The following THSD7B variants were observed in gnomAD, a reference collection of about 807,000 sequenced individuals.
THSD7B encodes thrombospondin type-1 domain-containing protein 7B.
THSD7B carries 138 observed loss-of-function variants against 213.6 expected under a neutral mutation model. The ratio of observed to expected loss-of-function variants is 0.65; its 90% CI spans 0.56 to 0.74. The LOEUF is 0.74. THSD7B is among the 30% of genes least tolerant of loss of function. The pLI is 0.00. For missense variants in THSD7B, 1,931 were observed against 1,991.5 expected, an observed-to-expected ratio of 0.97 and a Z score of 0.58; for synonymous variants, 742 against 687.0, an observed-to-expected ratio of 1.08 and a Z score of -1.25.
At chr2:137,619,730 T>C (rs1228170490) in intron 19 of THSD7B, among the ~76,000 whole-genome samples, 5 of 152,198 alleles carry the variant, frequency 3.3e-5, no homozygotes, top group African/African-American at 1.2e-4. Flanking sequence ...ATATGCCCAA[T>C]AAATATGTAA....
At chr2:137,390,654 A>G (rs1175898617) in intron 12 of THSD7B, among the ~76,000 whole-genome samples, 2 of 152,130 alleles carry the variant, frequency 1.3e-5, no homozygotes, top group African/African-American at 4.8e-5. Flanking sequence ...ATTTAGTATG[A>G]TGTTAGCTCT....
intron 2 of THSD7B, among the ~76,000 whole-genome samples, chr2:136,920,625 A>C (rs1000096010): frequency 2.0e-5 from 3 of 152,144 alleles, no homozygotes; most frequent in Admixed American, 6.5e-5. Flanking sequence ...CTGGCCCCCA[A>C]ACCTCAAGCC....
At chr2:137,585,254 C>A (rs1681694439) in intron 17 of THSD7B, among the ~76,000 whole-genome samples, 1 of 151,914 alleles carries the variant, frequency 6.6e-6, no homozygotes, top group African/African-American at 2.4e-5. Flanking sequence ...GTCTTGCTAG[C>A]ACTCTATCAA....
At chr2:137,471,468 A>G (rs1051533444) in intron 15 of THSD7B, among the ~76,000 whole-genome samples, 1 of 152,040 alleles carries the variant, frequency 6.6e-6, no homozygotes, top group African/African-American at 2.4e-5. Context: ...ACGTGGTGCC[A>G]TAGGAAGAGC....
intron 12 of THSD7B, among the ~76,000 whole-genome samples, chr2:137,356,406 G>A (rs1208557507): frequency 6.6e-6 from 1 of 152,052 alleles, no homozygotes; most frequent in African/African-American, 2.4e-5. Flanking sequence ...GAGCCTAATT[G>A]ACAAAGTTGC....
intron 12 of THSD7B, among the ~76,000 whole-genome samples, chr2:137,341,915 C>T (rs1684770612): frequency 1.3e-5 from 2 of 151,366 alleles, no homozygotes; most frequent in African/African-American, 2.4e-5. Flanking sequence ...ATACCTCCAG[C>T]TGTTTTTTGT....
chr2:137,654,829 C>G lies in THSD7B; in HGVS notation c.3946-672C>G, dbSNP rs1683205275. On this transcript the variant is annotated intron_variant, in intron 21 of 27. Coordinates refer to ENST00000409968, the MANE Select transcript of THSD7B (RefSeq NM_001316349.2). ...CATTTTGGAGCTGAAGTCTTCTCTG[C>G]CAAAAATTTTATAGTAGGAAACCCT... Among the ~76,000 whole-genome samples, 3 of 152,220 alleles carry G rather than the reference C, an allele frequency of 2.0e-5. No homozygotes were observed. In the South Asian group the frequency reaches 6.2e-4, roughly 32 times the overall value.
chr2:137,004,246 C>A (rs1573761178), intron 2 of THSD7B, among the ~76,000 whole-genome samples: 1 of 150,644 alleles, frequency 6.6e-6, no homozygotes, highest in African/African-American at 2.4e-5. Flanking sequence ...GGGCTGCTGA[C>A]CTTTATCCAC....
At chr2:137,585,243 A>C (rs556462174) in intron 17 of THSD7B, among the ~76,000 whole-genome samples, 4 of 151,526 alleles carry the variant, frequency 2.6e-5, no homozygotes, top group Admixed American at 2.6e-4. Context: ...TTTCTTTATT[A>C]GTCTTGCTAG....
intron 10 of THSD7B, among the ~76,000 whole-genome samples, chr2:137,269,097 A>G (rs915129213): frequency 6.6e-6 from 1 of 152,188 alleles, no homozygotes; most frequent in Admixed American, 6.5e-5. Flanking sequence ...TAGTTCACAC[A>G]TCTCTGGTAT....
intron 19 of THSD7B, 28 bp from the exon 20 acceptor site, chr2:137,620,581 T>A (rs781614871): frequency 6.4e-7 from 1 of 1,554,606 alleles, no homozygotes; most frequent in African/African-American, 1.4e-5. Context: ...ATTTCTCCAA[T>A]AAAGTTGTGT....
intron 17 of THSD7B, among the ~76,000 whole-genome samples, chr2:137,602,894 T>A (rs1262399330): frequency 6.6e-6 from 1 of 152,102 alleles, no homozygotes; most frequent in East Asian, 1.9e-4. Context: ...CTGTGCCACA[T>A]GTCTGTATCT....
At chr2:137,392,525 T>C (rs1305217711) in intron 12 of THSD7B, among the ~76,000 whole-genome samples, 1 of 152,192 alleles carries the variant, frequency 6.6e-6, no homozygotes, top group East Asian at 1.9e-4. Context: ...TTTCATAAAC[T>C]GTTTTTTATT....
chr2:137,350,929 G>A lies in THSD7B; in HGVS notation c.2501-54684G>A, dbSNP rs548454285. Among the ~76,000 whole-genome samples the A allele has an allele frequency of 6.1e-4, 93 of 152,036 alleles. 1 individual carries two copies. The highest frequency in any genetic ancestry group is 2.1e-3 in the South Asian group (10 of 4,832). ...TTACTGAGTTAGTTGTGAGAGTAGAGCAGGACACTGGAAAGATCATCAGTT... is the reference window on the plus strand; with the variant it reads ...TTACTGAGTTAGTTGTGAGAGTAGAACAGGACACTGGAAAGATCATCAGTT... On this transcript the variant is annotated intron_variant, in intron 12 of 27. Transcript: ENST00000409968.
At chr2:136,883,341 T>TAA (rs3084745) in intron 2 of THSD7B, among the ~76,000 whole-genome samples, 123,972 of 148,962 alleles carry the variant, frequency 0.83, 51,727 homozygotes, top group Admixed American at 0.87. Flanking sequence ...GTCTATTAAG[T>TAA]AAAAAAAAAA....
At chr2:136,993,964 A>G (rs987366401) in intron 2 of THSD7B, among the ~76,000 whole-genome samples, 1 of 152,194 alleles carries the variant, frequency 6.6e-6, no homozygotes, top group African/African-American at 2.4e-5. Context: ...TGTTATAGAA[A>G]ACAATGAGCT....
chr2:136,961,213 A>ATTT (rs1685212205), intron 2 of THSD7B, among the ~76,000 whole-genome samples: 1 of 129,698 alleles, frequency 7.7e-6, no homozygotes, highest in Non-Finnish European at 1.6e-5. Context: ...ATTGACATGT[A>ATTT]TTTTTCTTTT....
At chr2:136,912,541 T>C (rs1684280323) in intron 2 of THSD7B, among the ~76,000 whole-genome samples, 2 of 152,060 alleles carry the variant, frequency 1.3e-5, no homozygotes, top group Admixed American at 1.3e-4. Flanking sequence ...TATTATTAAT[T>C]GTTATGGTTT....
chr2:137,441,496 C>T (rs1186464772), intron 14 of THSD7B, among the ~76,000 whole-genome samples: 1 of 152,060 alleles, frequency 6.6e-6, no homozygotes, highest in Non-Finnish European at 1.5e-5. Flanking sequence ...CAAAATTCTG[C>T]TACACTGTGA....
Sources: allele counts gnomAD v4.1 joint callset (sites outside exome capture counted in the v4.1 genomes callset), GRCh38; gene constraint gnomAD v4.1.1; transcripts MANE v1.5; gene names NCBI Gene and HGNC (gene_info 2026-07-23, HGNC 2026-07-21).